TNFRSF19: variants seen among roughly 807,000 people sequenced by gnomAD.
TNFRSF19 encodes the protein TNF receptor superfamily member 19.
In TNFRSF19, 27 loss-of-function variants were observed where a neutral mutation model predicts 46.4. The observed-to-expected ratio is 0.58, with a 90% CI of 0.43 to 0.80. The LOEUF is 0.80. Among genes scored for constraint, TNFRSF19 ranks in the 30% least tolerant of loss-of-function variants. The probability of loss-of-function intolerance (pLI) is 0.00; values close to 1 mark genes in which losing one functional copy is unlikely to be tolerated. For missense variants in TNFRSF19, 511 were observed against 530.8 expected (o/e 0.96, Z 0.37); for synonymous variants, 204 against 205.0 (o/e 1.00, Z 0.04).
chr13:23,611,135 C>CAT (rs1448685260), intron 3 of TNFRSF19, among the ~76,000 whole-genome samples: 1 of 149,692 alleles, frequency 6.7e-6, no homozygotes, highest in Non-Finnish European at 1.5e-5. Flanking sequence ...TGCACACACA[C>CAT]ACACACACAC....
At chr13:23,639,919 A>T (rs1343522272) in intron 5 of TNFRSF19, among the ~76,000 whole-genome samples, 1 of 152,236 alleles carries the variant, frequency 6.6e-6, no homozygotes, top group African/African-American at 2.4e-5. Flanking sequence ...AGAATGAATG[A>T]TGATACTGTG....
chr13:23,644,043 C>G (rs746223349), intron 5 of TNFRSF19, among the ~76,000 whole-genome samples: 1 of 152,168 alleles, frequency 6.6e-6, no homozygotes, highest in Non-Finnish European at 1.5e-5. Context: ...CAGCTTGAGG[C>G]CACCATAGGG....
chr13:23,593,513 A>C (rs1187727871), intron 3 of TNFRSF19, 58 bp downstream of exon 3: 14 of 1,168,628 alleles, frequency 1.2e-5, no homozygotes, highest in Non-Finnish European at 1.7e-5. Context: ...ATTCGTCTTA[A>C]CTCAATTCTT....
At position 23,656,154 on chromosome 13, in the gene TNFRSF19, C is replaced by A. The variant is rs182974377; in HGVS notation, c.446-2896C>A. 1.1e-3 allele frequency among the ~76,000 whole-genome samples: 164 copies of A among 152,236 alleles called. 1 individual carries two copies. The highest frequency in any genetic ancestry group is 0.011 in the Admixed American group (164 of 15,292). On this transcript the variant is annotated intron_variant, in intron 5 of 9. Transcript: ENST00000248484. ...GTAAAACTTGTATATTTTTCTTGTT[C>A]ATCTTTAGATGTCACTGCCTGGGGA... is the stretch of plus-strand genomic sequence containing the variant.
At chr13:23,606,348 T>C (rs1230496900) in intron 3 of TNFRSF19, among the ~76,000 whole-genome samples, 2 of 92,502 alleles carry the variant, frequency 2.2e-5, no homozygotes, top group Non-Finnish European at 4.6e-5. Flanking sequence ...TTCCCATATT[T>C]ATAATTTTTT....
rs1951795597 is a variant in TNFRSF19 at position 23,674,169 on chromosome 13, T to C, written c.*789T>C. 1 of 152,250 alleles carries C rather than the reference T, an allele frequency of 6.6e-6. No individual in the cohort carries two copies. The highest frequency in any genetic ancestry group is 1.5e-5 in the Non-Finnish European group (1 of 68,048). The allele number at this position is 152,250 out of a possible 1,614,324, so 9.4% of individuals were successfully genotyped here. A position where few individuals can be genotyped will look rare whatever the true frequency, so the allele number is the denominator to read the frequency against. On this transcript the variant is annotated 3_prime_UTR_variant, in exon 10 of 10. Coordinates refer to ENST00000248484, the MANE Select transcript of TNFRSF19 (RefSeq NM_148957.4). ...ACTTGTATGCAAAGGTTGGCATATT[T>C]ATATGAAAATTAGTTGCTATAGAAA...
intron 5 of TNFRSF19, among the ~76,000 whole-genome samples, chr13:23,629,950 CT>C (rs1882246933): frequency 6.6e-6 from 1 of 152,148 alleles, no homozygotes; most frequent in Admixed American, 6.5e-5. Context: ...TTCACCTCCC[CT>C]GGTGGGTGAG....
rs779897953 is a variant in TNFRSF19, at chr13:23,641,486, C to T, written c.445+14694C>T. Among the ~76,000 whole-genome samples, 84 of 152,224 alleles carry T rather than the reference C, an allele frequency of 5.5e-4. 1 individual carries two copies. The highest frequency in any genetic ancestry group is 9.9e-4 in the Non-Finnish European group (67 of 68,006). On this transcript the variant is annotated intron_variant, in intron 5 of 9. Coordinates refer to ENST00000248484, the MANE Select transcript of TNFRSF19 (RefSeq NM_148957.4). ...CTGGGGTTACAGGCATATGCCACCA[C>T]ATCTGGCTAATTTTTTGTATTTTTA...
At chr13:23,581,271 G>T (rs186460872) in intron 1 of TNFRSF19, among the ~76,000 whole-genome samples, 39 of 151,954 alleles carry the variant, frequency 2.6e-4, no homozygotes, top group African/African-American at 8.7e-4. Flanking sequence ...TCAGCCTCCC[G>T]AGTAGCTGGG....
chr13:23,616,675 C>T (rs1447224081), intron 4 of TNFRSF19, among the ~76,000 whole-genome samples: 1 of 152,028 alleles, frequency 6.6e-6, no homozygotes, highest in African/African-American at 2.4e-5. Context: ...CTGTGCCTCC[C>T]AGGTTCAAGT....
chr13:23,657,606 T>C (rs1328652615), intron 5 of TNFRSF19, among the ~76,000 whole-genome samples: 4 of 152,240 alleles, frequency 2.6e-5, no homozygotes, highest in African/African-American at 9.6e-5. Flanking sequence ...ATAATTTTTA[T>C]ATTGAATACA....
chr13:23,616,184 A>C, intron 4 of TNFRSF19, 139 bp downstream of exon 4: 1 of 870,504 alleles, frequency 1.1e-6, no homozygotes, highest in Non-Finnish European at 1.7e-6. Flanking sequence ...GACTTCTTTC[A>C]GTATTAACCA....
chr13:23,643,349 A>G (rs766197980), intron 5 of TNFRSF19, among the ~76,000 whole-genome samples: 1 of 152,256 alleles, frequency 6.6e-6, no homozygotes, highest in African/African-American at 2.4e-5. Context: ...ATGTAATTGC[A>G]AGATTTGGAC....
intron 5 of TNFRSF19, among the ~76,000 whole-genome samples, chr13:23,630,445 A>C (rs142989238): frequency 6.6e-6 from 1 of 152,042 alleles, no homozygotes; most frequent in East Asian, 1.9e-4. Flanking sequence ...CCCCCACCAG[A>C]TGAGCTGTAT....
chr13:23,655,957 C>T (rs953246631), intron 5 of TNFRSF19, among the ~76,000 whole-genome samples: 11 of 152,014 alleles, frequency 7.2e-5, no homozygotes, highest in Admixed American at 1.3e-4. Context: ...CTAAAAATGA[C>T]GAACCCATTT....
At chr13:23,603,286 C>G (rs1880290990) in intron 3 of TNFRSF19, among the ~76,000 whole-genome samples, 1 of 151,974 alleles carries the variant, frequency 6.6e-6, no homozygotes, top group Non-Finnish European at 1.5e-5. Flanking sequence ...AAGAAGAAAT[C>G]CACAGTCTGT....
chr13:23,626,642 T>G (rs1882030454), intron 4 of TNFRSF19, 65 bp from the exon 5 acceptor site: 1 of 1,521,160 alleles, frequency 6.6e-7, no homozygotes, highest in Admixed American at 1.7e-5. Context: ...CTGCTGGTAA[T>G]TTATGACCAC....
At chr13:23,670,730 C>T (rs550150272) in intron 9 of TNFRSF19, among the ~76,000 whole-genome samples, 5 of 152,326 alleles carry the variant, frequency 3.3e-5, no homozygotes, top group Non-Finnish European at 5.9e-5. Context: ...CGTCCACTGA[C>T]GGATCAGAGG....
At chr13:23,618,550 A>G (rs982788233) in intron 4 of TNFRSF19, among the ~76,000 whole-genome samples, 3 of 152,230 alleles carry the variant, frequency 2.0e-5, no homozygotes, top group African/African-American at 7.2e-5. Context: ...TGAAACCCTC[A>G]TACACTGTTG....
Sources: allele counts gnomAD v4.1 joint callset (sites outside exome capture counted in the v4.1 genomes callset), GRCh38; gene constraint gnomAD v4.1.1; transcripts MANE v1.5; gene names NCBI Gene and HGNC (gene_info 2026-07-23, HGNC 2026-07-21).